Variants in KIF27 observed in about 807,000 individuals in gnomAD.
KIF27 encodes kinesin-like protein KIF27.
In KIF27, 84 loss-of-function variants were observed where a neutral mutation model predicts 141.8. The observed-to-expected ratio is 0.59, with a 90% CI of 0.50 to 0.71. The LOEUF is 0.71. KIF27 is among the 30% of genes least tolerant of loss of function. The pLI is 0.00. For synonymous variants in KIF27, 471 were observed against 569.5 expected (o/e 0.83, Z 2.46); for missense variants, 1,306 against 1,628.4 (o/e 0.80, Z 3.41).
chr9:83,864,112 C>CTTT (rs1950167667), intron 13 of KIF27, among the ~76,000 whole-genome samples: 1 of 151,472 alleles, frequency 6.6e-6, no homozygotes, highest in Admixed American at 6.6e-5. Flanking sequence ...TTTTCTTGAT[C>CTTT]TCAAAAAACC....
intron 1 of KIF27, 22 bp from the exon 2 acceptor site, chr9:83,915,700 C>T (rs1955614432): frequency 2.7e-6 from 3 of 1,125,660 alleles, no homozygotes; most frequent in East Asian, 5.1e-5. Context: ...AAATAAAAAG[C>T]AAATTTTAAT....
At chr9:83,875,046 C>T (rs1458337548) in intron 11 of KIF27, among the ~76,000 whole-genome samples, 2 of 151,606 alleles carry the variant, frequency 1.3e-5, no homozygotes, top group Non-Finnish European at 2.9e-5. Flanking sequence ...TCTTCTTTTC[C>T]CTAAGCATGG....
Position 83,880,889 on chromosome 9 carries a change from T to C in KIF27, c.2446-395A>G, listed in dbSNP as rs113140490. Among the ~76,000 whole-genome samples the C allele has an allele frequency of 7.2e-5, 11 of 152,352 alleles. 1 individual carries two copies. Among genetic ancestry groups the C allele is most frequent in the African/African-American group, 2.6e-4 (11 of 41,584 alleles). ...CTGCTTCCCAACACAAAATTATCAA[T>C]TTCTTAAATATTCTTCCAGAAAAAA... is the stretch of plus-strand genomic sequence containing the variant. On this transcript the variant is annotated intron_variant, in intron 10 of 17. Transcript: ENST00000297814.
rs1227834005 is a variant in KIF27, at chr9:83,915,446, A to G, written c.146T>C (p.Phe49Ser). The change falls in exon 2 of 18, where the codon TTT becomes TCT. Residue 49 changes from phenylalanine to serine, a missense_variant. Coordinates refer to ENST00000297814, the MANE Select transcript of KIF27 (RefSeq NM_017576.4). The stretch of plus-strand genomic sequence containing the variant: ...TTGAGTGGAATTTTTGCCAAAAACA[A>G]AATCAAAAGTGAAGACTCTATCTCT... ...IGRDRVFTFD[F>S]VFGKNSTQDE... 2 of 1,613,766 alleles carry G rather than the reference A, an allele frequency of 1.2e-6. No homozygotes were observed. Among genetic ancestry groups the G allele is most frequent in the African/African-American group, 2.7e-5 (2 of 74,922 alleles).
intron 13 of KIF27, among the ~76,000 whole-genome samples, chr9:83,862,447 T>G (rs1215487687): frequency 2.0e-5 from 3 of 152,296 alleles, no homozygotes; most frequent in East Asian, 1.9e-4. Flanking sequence ...TTTCCCCATT[T>G]CTTGTTTTGT....
Position 83,836,215 on chromosome 9 carries a change from T to C in KIF27, c.*786A>G, listed in dbSNP as rs991819899. ...ATACTCCATGTGACCAGAGATGTCA[T>C]AACCAGTGTTCTTTCTCTTGAAATG... On this transcript the variant is annotated 3_prime_UTR_variant, in exon 18 of 18. Coordinates refer to ENST00000297814, the MANE Select transcript of KIF27 (RefSeq NM_017576.4). Among the ~76,000 whole-genome samples, 2 of 152,174 alleles carry C rather than the reference T, an allele frequency of 1.3e-5. No homozygotes were observed. The highest frequency in any genetic ancestry group is 6.6e-5 in the Admixed American group (1 of 15,258).
At chr9:83,899,072 T>C (rs1462222176) in intron 5 of KIF27, 1 of 152,250 alleles carries the variant, frequency 6.6e-6, no homozygotes, top group Admixed American at 6.5e-5. Flanking sequence ...GATCAGATTA[T>C]TTCTCGGGGC....
chr9:83,891,250 A>C, intron 6 of KIF27, 45 bp downstream of exon 6: 1 of 1,558,320 alleles, frequency 6.4e-7, no homozygotes, highest in Non-Finnish European at 8.8e-7. Flanking sequence ...ACATGGCTAA[A>C]ATTTTTTTAA....
At chr9:83,910,097 A>C (rs1332134216) in intron 2 of KIF27, among the ~76,000 whole-genome samples, 1 of 152,044 alleles carries the variant, frequency 6.6e-6, no homozygotes, top group African/African-American at 2.4e-5. Context: ...GTACGTACTT[A>C]CATACATAAT....
At chr9:83,845,325 A>C (rs1947124346) in intron 16 of KIF27, among the ~76,000 whole-genome samples, 1 of 152,140 alleles carries the variant, frequency 6.6e-6, no homozygotes, top group Non-Finnish European at 1.5e-5. Flanking sequence ...GTGCTTTCTG[A>C]CCTATCTAGC....
At chr9:83,907,327 T>A (rs1954663097) in intron 3 of KIF27, among the ~76,000 whole-genome samples, 1 of 148,146 alleles carries the variant, frequency 6.8e-6, no homozygotes, top group Non-Finnish European at 1.5e-5. Context: ...AATAAATAAA[T>A]AAATAAATAA....
At chr9:83,854,352 G>A (rs529462215) in intron 14 of KIF27, among the ~76,000 whole-genome samples, 56 of 151,984 alleles carry the variant, frequency 3.7e-4, no homozygotes, top group African/African-American at 1.2e-3. Context: ...TATTCTAAAT[G>A]TTAGAATAAG....
chr9:83,878,450 GC>G (rs1951410535), intron 11 of KIF27, among the ~76,000 whole-genome samples: 1 of 152,096 alleles, frequency 6.6e-6, no homozygotes, highest in African/African-American at 2.4e-5. Context: ...TTATTTGTAT[GC>G]CAGTGTTCAC....
Position 83,908,555 on chromosome 9 carries a change from T to C in KIF27, c.396A>G (p.Lys132=), listed in dbSNP as rs768715848. 1.1e-5 allele frequency: 18 copies of C among 1,610,666 alleles called. No homozygotes were observed. In the African/African-American group the frequency reaches 1.9e-4, roughly 17 times the overall value. Residue 132 remains lysine, a synonymous_variant, in exon 3 of 18, where the codon AAA becomes AAG. Transcript: ENST00000297814. ...SEHPSIDFNV[K]VSYIEVYKED... is the part of the protein sequence containing the mutation. ...CCTTGTACACTTCTATATAAGATACTTTTACATTAAAGTCAATGCTAGGAT... is the reference window on the plus strand; with the variant it reads ...CCTTGTACACTTCTATATAAGATACCTTTACATTAAAGTCAATGCTAGGAT...
chr9:83,844,653 G>C (rs1381237122), intron 16 of KIF27, among the ~76,000 whole-genome samples: 3 of 152,182 alleles, frequency 2.0e-5, no homozygotes, highest in Non-Finnish European at 4.4e-5. Flanking sequence ...AAGGAGTTTA[G>C]TGACTCTGTG....
At chr9:83,839,695 G>A (rs1946336749) in intron 17 of KIF27, among the ~76,000 whole-genome samples, 1 of 152,212 alleles carries the variant, frequency 6.6e-6, no homozygotes, top group South Asian at 2.1e-4. Flanking sequence ...GCTCACGCCT[G>A]TAATTCCAGC....
intron 2 of KIF27, among the ~76,000 whole-genome samples, chr9:83,910,712 T>C (rs1202285434): frequency 6.6e-6 from 1 of 152,210 alleles, no homozygotes; most frequent in Non-Finnish European, 1.5e-5. Context: ...CAGCACTACC[T>C]AAGCCCACAG....
intron 12 of KIF27, 140 bp downstream of exon 12, chr9:83,870,379 C>A: frequency 8.5e-7 from 1 of 1,178,690 alleles, no homozygotes; most frequent in Non-Finnish European, 1.2e-6. Flanking sequence ...GTTGACCAGG[C>A]TGGTCTTGAA....
chr9:83,872,283 T>C (rs1330154008), intron 11 of KIF27, among the ~76,000 whole-genome samples: 4 of 152,114 alleles, frequency 2.6e-5, no homozygotes, highest in Admixed American at 2.6e-4. Flanking sequence ...CACTGCACTC[T>C]AGCCTAGGTG....
Sources: gnomAD v4.1 joint callset for allele counts (sites outside exome capture counted in the v4.1 genomes callset) on GRCh38, gnomAD v4.1.1 for gene constraint, MANE v1.5 for transcripts, NCBI Gene and HGNC (gene_info 2026-07-23, HGNC 2026-07-21) for gene names.